The following ZBBX variants were observed in gnomAD, a reference collection of about 807,000 sequenced individuals.
ZBBX encodes zinc finger B-box domain containing.
Under a neutral mutation model 108.5 loss-of-function variants are expected in ZBBX, and 101 were observed. The ratio of observed to expected loss-of-function variants is 0.93; its 90% CI spans 0.79 to 1.10. The LOEUF is 1.10. ZBBX is among the 50% of genes least tolerant of loss of function. The pLI is 0.00. For missense variants in ZBBX, 1,009 were observed against 941.4 expected, an observed-to-expected ratio of 1.07 and a Z score of -0.94; for synonymous variants, 356 against 323.4, an observed-to-expected ratio of 1.10 and a Z score of -1.08.
chr3:167,237,999 A>C (rs370840932), downstream of ZBBX, among the ~76,000 whole-genome samples: 10 of 152,116 alleles, frequency 6.6e-5, no homozygotes, highest in East Asian at 1.9e-3. Flanking sequence ...ATCTGAGAGA[A>C]GCACTGGTAT....
chr3:167,274,308 T>C (rs1727085541), intron 20 of ZBBX, among the ~76,000 whole-genome samples: 2 of 152,164 alleles, frequency 1.3e-5, no homozygotes, highest in Admixed American at 1.3e-4. Context: ...ATAGGTGTGC[T>C]TATTCTTGTT....
At chr3:167,226,443 A>C in the ZBBX span, among the ~76,000 whole-genome samples, 1 of 151,740 alleles carries the variant, frequency 6.6e-6, no homozygotes, top group Non-Finnish European at 1.5e-5. Context: ...GTTGTGAGAA[A>C]GTTCTTCTCC....
chr3:167,366,449 G>A (rs1294202523), intron 5 of ZBBX, among the ~76,000 whole-genome samples: 1 of 151,688 alleles, frequency 6.6e-6, no homozygotes, highest in Non-Finnish European at 1.5e-5. Context: ...TACAAAGAAG[G>A]CATACTTTAG....
chr3:167,274,481 G>C (rs1727113341), intron 20 of ZBBX, among the ~76,000 whole-genome samples: 1 of 152,164 alleles, frequency 6.6e-6, no homozygotes. Context: ...AAGGTCTGAA[G>C]AGAAAAGATT....
At chr3:167,275,319 C>T (rs375722023) in intron 20 of ZBBX, among the ~76,000 whole-genome samples, 68 of 152,264 alleles carry the variant, frequency 4.5e-4, no homozygotes, top group African/African-American at 1.2e-3. Context: ...CAGCTCCCAG[C>T]GTGAGCGACG....
chr3:167,406,656 G>C (rs1182205208), intron 1 of ZBBX, among the ~76,000 whole-genome samples: 1 of 152,126 alleles, frequency 6.6e-6, no homozygotes, highest in Non-Finnish European at 1.5e-5. Flanking sequence ...TTTCTCCTTA[G>C]AATAATTCCC....
chr3:167,277,337 C>T (rs1166307869), intron 20 of ZBBX, among the ~76,000 whole-genome samples: 1 of 152,150 alleles, frequency 6.6e-6, no homozygotes, highest in East Asian at 1.9e-4. Context: ...CATCAGTGTG[C>T]TGTATTCAGG....
chr3:167,207,187 C>G, the ZBBX span, among the ~76,000 whole-genome samples: 59 of 152,192 alleles, frequency 3.9e-4, no homozygotes, highest in Admixed American at 3.4e-3. Flanking sequence ...GAAAAGGCAG[C>G]CTATTTGTGA....
the ZBBX span, among the ~76,000 whole-genome samples, chr3:167,212,089 C>A: frequency 2.0e-5 from 3 of 152,150 alleles, no homozygotes; most frequent in African/African-American, 7.2e-5. Context: ...GGGCCAACAA[C>A]AGGTCTGTCC....
rs773843083 is a variant in ZBBX, at chr3:167,305,765, T to A, written c.1603A>T (p.Arg535Ter). ...TCAATGGGAGCTTTTTCTAAATCTC[T>A]ACCTAGCAAAGTGTCCTTGCTTTCA... ...SLESKDTLLG[R>*]DLEKAPIEEK... The change falls in exon 17 of 22, where the codon AGA becomes TGA. Residue 535 changes from arginine to a stop codon, truncating the protein, a stop_gained. Coordinates refer to ENST00000675490, the MANE Select transcript of ZBBX (RefSeq NM_001199201.2). LOFTEE classifies it high-confidence loss of function. The A allele has an allele frequency of 6.2e-7, 1 of 1,612,992 alleles. No individual in the cohort carries two copies. Among genetic ancestry groups the A allele is most frequent in the South Asian group, 1.1e-5 (1 of 91,004 alleles).
chr3:167,218,055 T>C, the ZBBX span, among the ~76,000 whole-genome samples: 1 of 152,054 alleles, frequency 6.6e-6, no homozygotes, highest in Non-Finnish European at 1.5e-5. Flanking sequence ...TTTCTCACTT[T>C]CAAGTGGGAG....
intron 11 of ZBBX, among the ~76,000 whole-genome samples, chr3:167,326,260 G>T (rs1342282879): frequency 6.6e-6 from 1 of 152,070 alleles, no homozygotes. Flanking sequence ...CAGTGAAAAT[G>T]CAAGTTAACT....
chr3:167,400,218 C>A (rs979983533), intron 1 of ZBBX, among the ~76,000 whole-genome samples: 2 of 151,992 alleles, frequency 1.3e-5, no homozygotes, highest in Non-Finnish European at 2.9e-5. Flanking sequence ...TGGGTATATA[C>A]CCAGTAGTGG....
chr3:167,181,766 A>G, the ZBBX span, among the ~76,000 whole-genome samples: 1 of 152,192 alleles, frequency 6.6e-6, no homozygotes, highest in Non-Finnish European at 1.5e-5. Flanking sequence ...TGTAATCTGA[A>G]TCAATAACTC....
At chr3:167,206,836 T>A in the ZBBX span, among the ~76,000 whole-genome samples, 2 of 152,056 alleles carry the variant, frequency 1.3e-5, no homozygotes, top group African/African-American at 4.8e-5. Flanking sequence ...AATCCAACCA[T>A]ATATAGTTAA....
At chr3:167,221,982 C>T in the ZBBX span, among the ~76,000 whole-genome samples, 1 of 151,886 alleles carries the variant, frequency 6.6e-6, no homozygotes, top group Non-Finnish European at 1.5e-5. Context: ...TAAATTAGTA[C>T]AACCACTATG....
At chr3:167,398,260 A>G (rs1453386710) in intron 1 of ZBBX, among the ~76,000 whole-genome samples, 2 of 152,104 alleles carry the variant, frequency 1.3e-5, no homozygotes, top group Non-Finnish European at 2.9e-5. Flanking sequence ...AGAATATTTT[A>G]TCACAGCAAA....
chr3:167,253,328 T>C (rs1178702529), intron 20 of ZBBX, among the ~76,000 whole-genome samples: 2 of 151,452 alleles, frequency 1.3e-5, no homozygotes, highest in Non-Finnish European at 2.9e-5. Flanking sequence ...ACCACGTCAA[T>C]AGGGAGAAAA....
chr3:167,233,170 T>C, the ZBBX span, among the ~76,000 whole-genome samples: 1 of 151,678 alleles, frequency 6.6e-6, no homozygotes, highest in Non-Finnish European at 1.5e-5. Context: ...CATGTTTCAA[T>C]AACACAAATT....
Sources: gnomAD v4.1 joint callset for allele counts (sites outside exome capture counted in the v4.1 genomes callset) on GRCh38, gnomAD v4.1.1 for gene constraint, MANE v1.5 for transcripts, NCBI Gene and HGNC (gene_info 2026-07-23, HGNC 2026-07-21) for gene names.